The following MAP4 variants were observed in gnomAD, a reference collection of about 807,000 sequenced individuals.
MAP4 encodes the protein microtubule-associated protein 4.
MAP4 carries 76 observed loss-of-function variants against 170.2 expected under a neutral mutation model. The observed-to-expected ratio is 0.45, with a 90% CI of 0.37 to 0.54. The LOEUF is 0.54. Ranked by LOEUF, MAP4 falls within the 20% of genes least tolerant of loss-of-function variation. The pLI is 0.00. For missense variants in MAP4, 2,506 were observed against 2,748.0 expected (o/e 0.91, Z 1.97); for synonymous variants, 909 against 994.5 (o/e 0.91, Z 1.62).
upstream of MAP4, among the ~76,000 whole-genome samples, chr3:48,017,121 C>T (rs1177809385): frequency 6.6e-6 from 1 of 152,002 alleles, no homozygotes; most frequent in Non-Finnish European, 1.5e-5. Flanking sequence ...ATCCAATCCC[C>T]TCACTTTAAT....
intron 10 of MAP4, chr3:47,891,690 G>A: frequency 6.5e-7 from 1 of 1,536,486 alleles, no homozygotes; most frequent in South Asian, 1.2e-5. Context: ...TCTCTGATGT[G>A]ACAGCTTGCA....
At chr3:47,883,478 G>A (rs2097120417) in intron 10 of MAP4, among the ~76,000 whole-genome samples, 1 of 152,112 alleles carries the variant, frequency 6.6e-6, no homozygotes, top group South Asian at 2.1e-4. Context: ...ACCCGCCTTG[G>A]CCTCCCAAAG....
intron 3 of MAP4, among the ~76,000 whole-genome samples, chr3:47,935,876 C>T (rs2100052449): frequency 6.9e-6 from 1 of 145,016 alleles, no homozygotes; most frequent in Non-Finnish European, 1.5e-5. Context: ...GAGGCAGAGG[C>T]TGCAGTGAGC....
At chr3:47,903,511 C>T (rs1191335225) in intron 9 of MAP4, among the ~76,000 whole-genome samples, 1 of 137,716 alleles carries the variant, frequency 7.3e-6, no homozygotes, top group Non-Finnish European at 1.5e-5. Context: ...CTCGCCTTGG[C>T]GAAAGAGCGA....
chr3:48,008,484 G>C (rs1019257697), intron 1 of MAP4, among the ~76,000 whole-genome samples: 1 of 152,238 alleles, frequency 6.6e-6, no homozygotes, highest in South Asian at 2.1e-4. Context: ...AATGGAAGGA[G>C]AAATGGCCAG....
At chr3:47,953,416 G>C (rs2100065757) in intron 3 of MAP4, among the ~76,000 whole-genome samples, 2 of 152,084 alleles carry the variant, frequency 1.3e-5, no homozygotes, top group South Asian at 4.2e-4. Flanking sequence ...CAGCTACTCA[G>C]GAGGCTGAGG....
chr3:47,850,762 C>T lies in MAP4; in HGVS notation c.*2172G>A, dbSNP rs772854428. 2 of 152,980 alleles carry T rather than the reference C, an allele frequency of 1.3e-5. No homozygotes were observed. Among genetic ancestry groups the T allele is most frequent in the African/African-American group, 2.4e-5 (1 of 41,564 alleles). The allele number at this position is 152,980 out of a possible 1,614,324, so 9.5% of individuals were successfully genotyped here. A position where few individuals can be genotyped will look rare whatever the true frequency, so the allele number is the denominator to read the frequency against. On this transcript the variant is annotated 3_prime_UTR_variant, in exon 21 of 21. Coordinates refer to ENST00000683076, the MANE Select transcript of MAP4 (RefSeq NM_001385682.1). ...GTTACAACAGAATCATGGACTGACA[C>T]AGGTAATGGCTGAGCCATAAGCAAA...
At chr3:48,084,507 G>C (rs1008581639) in intron 1 of MAP4, among the ~76,000 whole-genome samples, 11 of 151,820 alleles carry the variant, frequency 7.2e-5, no homozygotes. Context: ...ACTGGCCTAG[G>C]AGCTCTAAAA....
At chr3:47,974,002 T>C (rs2100080410) in intron 3 of MAP4, 4 of 985,480 alleles carry the variant, frequency 4.1e-6, no homozygotes, top group Non-Finnish European at 4.8e-6. Flanking sequence ...ATCCAGCCCT[T>C]GTGACCAGAC....
intron 10 of MAP4, among the ~76,000 whole-genome samples, chr3:47,878,544 C>T (rs1212008067): frequency 6.6e-6 from 1 of 152,046 alleles, no homozygotes; most frequent in South Asian, 2.1e-4. Flanking sequence ...CACTGAAATG[C>T]CATTTTATTT....
chr3:47,892,261 G>C (rs780670005), intron 10 of MAP4: 57 of 1,536,216 alleles, frequency 3.7e-5, no homozygotes, highest in Non-Finnish European at 4.9e-5. Context: ...CAAAAAAGCA[G>C]AGCTTGTTCT....
At chr3:47,944,778 C>T (rs1384636634) in intron 3 of MAP4, among the ~76,000 whole-genome samples, 1 of 151,422 alleles carries the variant, frequency 6.6e-6, no homozygotes, top group East Asian at 1.9e-4. Context: ...TATATATATC[C>T]CCTATAGAAG....
At chr3:47,981,587 C>A (rs750582743) in intron 2 of MAP4, among the ~76,000 whole-genome samples, 20 of 151,758 alleles carry the variant, frequency 1.3e-4, no homozygotes, top group Non-Finnish European at 2.5e-4. Flanking sequence ...CTGGCCAATG[C>A]GGTGAAACCC....
At chr3:48,051,630 A>G (rs2100127940) in intron 1 of MAP4, among the ~76,000 whole-genome samples, 2 of 152,168 alleles carry the variant, frequency 1.3e-5, no homozygotes, top group Non-Finnish European at 2.9e-5. Context: ...ACCAATCTAG[A>G]TATCCATCAA....
chr3:47,917,443 C>T (rs984047597), intron 6 of MAP4, among the ~76,000 whole-genome samples: 2 of 151,844 alleles, frequency 1.3e-5, no homozygotes, highest in African/African-American at 4.8e-5. Flanking sequence ...CAGAAATTAG[C>T]CATGCAGTGG....
At chr3:48,027,316 A>G (rs2100113619) in intron 1 of MAP4, among the ~76,000 whole-genome samples, 1 of 152,220 alleles carries the variant, frequency 6.6e-6, no homozygotes. Context: ...GCCAAAAGCC[A>G]TCTAGAAAAC....
chr3:47,855,154 G>C lies in MAP4; in HGVS notation c.6696+94C>G. On this transcript the variant is annotated intron_variant, in intron 19 of 20. Coordinates refer to ENST00000683076, the MANE Select transcript of MAP4 (RefSeq NM_001385682.1). This position sits in a 1 kb window ranked among gnomAD's most constrained non-coding sequence, Gnocchi z 5.1. ...GACATGACTCCTGAAGAGACTGAGGGGCGGTGACAGGTGCCTACCTGTGAG... is the reference window on the plus strand; with the variant it reads ...GACATGACTCCTGAAGAGACTGAGGCGCGGTGACAGGTGCCTACCTGTGAG... 1 of 783,904 alleles carries C rather than the reference G, an allele frequency of 1.3e-6. No individual in the cohort carries two copies. Among genetic ancestry groups the C allele is most frequent in the African/African-American group, 1.7e-5 (1 of 59,404 alleles). 48.6% of individuals were successfully genotyped at this position (783,904 alleles called of 1,614,324 possible).
chr3:47,955,345 A>G (rs1225376149), intron 3 of MAP4, among the ~76,000 whole-genome samples: 1 of 151,976 alleles, frequency 6.6e-6, no homozygotes, highest in Non-Finnish European at 1.5e-5. Context: ...CTATGAATCT[A>G]GCCTCAGGGC....
intron 1 of MAP4, among the ~76,000 whole-genome samples, chr3:48,029,178 C>G (rs1391215843): frequency 6.6e-6 from 1 of 151,920 alleles, no homozygotes; most frequent in African/African-American, 2.4e-5. Context: ...TGGCTCACAC[C>G]TGTAATCCCA....
Sources: allele counts gnomAD v4.1 joint callset (sites outside exome capture counted in the v4.1 genomes callset), GRCh38; gene constraint gnomAD v4.1.1; non-coding constraint Gnocchi (gnomAD v3.1); transcripts MANE v1.5; gene names NCBI Gene and HGNC (gene_info 2026-07-23, HGNC 2026-07-21).